The following CCDC7 variants were observed in gnomAD, a reference collection of about 807,000 sequenced individuals.
The protein encoded by CCDC7 is coiled-coil domain containing 7, also known as coiled-coil domain-containing protein 7.
In CCDC7, 183 loss-of-function variants were observed where a neutral mutation model predicts 196.9. The ratio of observed to expected loss-of-function variants is 0.93; its 90% CI spans 0.82 to 1.05. The LOEUF (loss-of-function observed/expected upper bound fraction) is 1.05, where lower values mean the gene tolerates loss of function less well. Ranked by LOEUF, CCDC7 falls within the 50% of genes least tolerant of loss-of-function variation. The pLI is 0.00. For missense variants in CCDC7, 1,540 were observed against 1,482.2 expected, an observed-to-expected ratio of 1.04 and a Z score of -0.64; for synonymous variants, 525 against 484.6, an observed-to-expected ratio of 1.08 and a Z score of -1.10.
At chr10:32,699,029 A>G (rs1272192539) in intron 24 of CCDC7, among the ~76,000 whole-genome samples, 1 of 152,100 alleles carries the variant, frequency 6.6e-6, no homozygotes, top group Admixed American at 6.5e-5. Flanking sequence ...TACAAGCCAG[A>G]AGAGAGTGGG....
At chr10:32,879,514 C>G (rs2137039131), downstream of CCDC7, among the ~76,000 whole-genome samples, 2 of 152,074 alleles carry the variant, frequency 1.3e-5, no homozygotes, top group South Asian at 4.2e-4. Context: ...ACTTCCAAAC[C>G]CCAAACAATG....
At position 32,533,844 on chromosome 10, in the gene CCDC7, C is replaced by CATTATT. The variant is rs567514675; in HGVS notation, c.994-9456_994-9455insATTATT. On this transcript the variant is annotated intron_variant, in intron 11 of 41. Coordinates refer to ENST00000639629, the Ensembl canonical transcript of CCDC7. ...TTTTAGGATTCTCTTTGTCCTTGAC[C>CATTATT]TTTGAGAGCTTCATTATTATATGTC... 1.4e-3 allele frequency among the ~76,000 whole-genome samples: 219 copies of CATTATT among 152,076 alleles called. 1 individual carries two copies. The highest frequency in any genetic ancestry group is 5.0e-3 in the African/African-American group (209 of 41,512).
intron 29 of CCDC7, among the ~76,000 whole-genome samples, chr10:32,791,051 C>A (rs975840347): frequency 6.6e-6 from 1 of 152,074 alleles, no homozygotes; most frequent in African/African-American, 2.4e-5. Flanking sequence ...TCACTGAGAA[C>A]CCTAACAGCT....
chr10:32,646,044 T>G (rs2067708479), intron 20 of CCDC7, among the ~76,000 whole-genome samples: 1 of 151,818 alleles, frequency 6.6e-6, no homozygotes, highest in African/African-American at 2.4e-5. Flanking sequence ...TCTGCTCTGA[T>G]TTTATTAGTT....
intron 18 of CCDC7, among the ~76,000 whole-genome samples, chr10:32,624,717 G>A (rs2063783293): frequency 6.6e-6 from 1 of 151,964 alleles, no homozygotes; most frequent in Admixed American, 6.6e-5. Flanking sequence ...ATGAAAATTT[G>A]TACAGCAGGT....
chr10:32,728,780 A>C (rs1389897960), intron 26 of CCDC7, 107 bp from the exon 28 acceptor site: 2 of 563,820 alleles, frequency 3.5e-6, no homozygotes, highest in East Asian at 6.3e-5. Flanking sequence ...CAGATCTAGC[A>C]TTATGGTAAT....
At chr10:32,630,072 T>C (rs1461824659) in intron 18 of CCDC7, among the ~76,000 whole-genome samples, 1 of 152,122 alleles carries the variant, frequency 6.6e-6, no homozygotes, top group Non-Finnish European at 1.5e-5. Flanking sequence ...TGCAGGGAGC[T>C]GCTGGAAAAG....
chr10:32,826,279 A>G (rs2091097582), intron 32 of CCDC7, among the ~76,000 whole-genome samples: 2 of 152,218 alleles, frequency 1.3e-5, no homozygotes, highest in Admixed American at 6.5e-5. Context: ...ATGAGCAGAA[A>G]TTTGAAGAAC....
At chr10:32,640,500 C>G (rs920913383) in intron 20 of CCDC7, among the ~76,000 whole-genome samples, 3 of 152,104 alleles carry the variant, frequency 2.0e-5, no homozygotes, top group African/African-American at 4.8e-5. Flanking sequence ...AGCTTTTAGC[C>G]TATTTACATT....
chr10:32,658,533 C>G (rs1326892245), intron 20 of CCDC7, among the ~76,000 whole-genome samples: 1 of 152,136 alleles, frequency 6.6e-6, no homozygotes, highest in Non-Finnish European at 1.5e-5. Context: ...CCTGCTGGGT[C>G]CCTCCCATGA....
Position 32,776,369 on chromosome 10 carries a change from G to GT in CCDC7, c.2906-2598dup, listed in dbSNP as rs5784304. Among the ~76,000 whole-genome samples, 70 of 149,240 alleles carry GT rather than the reference G, an allele frequency of 4.7e-4. 1 individual carries two copies. The South Asian group carries it at 4.7e-3, about 10-fold the overall frequency. On this transcript the variant is annotated intron_variant, in intron 28 of 41. Transcript: ENST00000639629. ...TGCATTTGTAGTGGTAAGAATAATG[G>GT]TTTTTTTTTTAATAGAACAGGTACT...
intron 18 of CCDC7, among the ~76,000 whole-genome samples, chr10:32,596,373 T>G (rs1391424741): frequency 6.6e-6 from 1 of 152,196 alleles, no homozygotes; most frequent in Non-Finnish European, 1.5e-5. Flanking sequence ...CTTTTTTTGT[T>G]TTCCATTTGC....
intron 8 of CCDC7, among the ~76,000 whole-genome samples, chr10:32,478,593 C>A (rs2039430646): frequency 6.6e-6 from 1 of 152,086 alleles, no homozygotes; most frequent in African/African-American, 2.4e-5. Context: ...TCTTCTTTAG[C>A]ATGTAGATTA....
chr10:32,762,648 A>G (rs1474556606), intron 28 of CCDC7, among the ~76,000 whole-genome samples: 1 of 151,752 alleles, frequency 6.6e-6, no homozygotes, highest in Non-Finnish European at 1.5e-5. Flanking sequence ...CAACTATGGT[A>G]CTGGTATAAA....
chr10:32,773,136 A>G (rs2079428658), intron 28 of CCDC7, among the ~76,000 whole-genome samples: 2 of 152,198 alleles, frequency 1.3e-5, no homozygotes, highest in African/African-American at 2.4e-5. Flanking sequence ...TTTGATTATG[A>G]TGTGCCTTGG....
intron 25 of CCDC7, among the ~76,000 whole-genome samples, chr10:32,721,725 C>T (rs564355394): frequency 6.6e-6 from 1 of 152,124 alleles, no homozygotes; most frequent in South Asian, 2.1e-4. Context: ...GGTCTTTGTA[C>T]CTTGTCTGTA....
downstream of CCDC7, chr10:32,876,509 AT>A: frequency 1.0e-6 from 1 of 976,798 alleles, no homozygotes; most frequent in South Asian, 1.5e-5. Flanking sequence ...GATGGTGCTT[AT>A]TGAAAAACAG....
chr10:32,464,763 C>T (rs540607500), intron 5 of CCDC7, among the ~76,000 whole-genome samples: 230 of 152,126 alleles, frequency 1.5e-3, no homozygotes, highest in Non-Finnish European at 2.4e-3. Context: ...CCCTTGCCTC[C>T]GCCTCCCAAA....
At chr10:32,591,012 ATCTC>A (rs1451181325) in intron 18 of CCDC7, among the ~76,000 whole-genome samples, 1 of 151,848 alleles carries the variant, frequency 6.6e-6, no homozygotes, top group Non-Finnish European at 1.5e-5. Flanking sequence ...TTGAATATTG[ATCTC>A]TCTGTCTAGG....
Sources: gnomAD v4.1 joint callset for allele counts (sites outside exome capture counted in the v4.1 genomes callset) on GRCh38, gnomAD v4.1.1 for gene constraint, MANE v1.5 for transcripts, NCBI Gene and HGNC (gene_info 2026-07-23, HGNC 2026-07-21) for gene names.